Variants in KIAA1958 observed in about 807,000 individuals in gnomAD.
KIAA1958 encodes KIAA1958.
A neutral mutation model predicts 47.2 loss-of-function variants in KIAA1958; 14 were observed. The observed-to-expected ratio is 0.30, with a 90% CI of 0.20 to 0.46. The LOEUF (loss-of-function observed/expected upper bound fraction) is 0.46, where lower values mean the gene tolerates loss of function less well. Among genes scored for constraint, KIAA1958 ranks in the 20% least tolerant of loss-of-function variants. The probability of loss-of-function intolerance (pLI) is 1.00; values close to 1 mark genes in which losing one functional copy is unlikely to be tolerated. For synonymous variants in KIAA1958, 354 were observed against 353.3 expected, an observed-to-expected ratio of 1.00 and a Z score of -0.02; for missense variants, 803 against 909.2, an observed-to-expected ratio of 0.88 and a Z score of 1.50.
intron 3 of KIAA1958, 42 bp downstream of exon 3, chr9:112,645,864 G>T: frequency 6.3e-7 from 1 of 1,576,480 alleles, no homozygotes; most frequent in South Asian, 1.2e-5. Context: ...CAACTTCACT[G>T]AGCTTCCAAA....
At chr9:112,617,212 G>C (rs182967817) in intron 2 of KIAA1958, among the ~76,000 whole-genome samples, 1 of 152,258 alleles carries the variant, frequency 6.6e-6, no homozygotes, top group African/African-American at 2.4e-5. Context: ...TGTCTTTATA[G>C]CTATGATGTT....
At chr9:112,650,841 G>A (rs1422905124) in intron 3 of KIAA1958, among the ~76,000 whole-genome samples, 1 of 152,148 alleles carries the variant, frequency 6.6e-6, no homozygotes, top group Non-Finnish European at 1.5e-5. Context: ...TAAAGTGATG[G>A]GAGAAAGATA....
intron 2 of KIAA1958, among the ~76,000 whole-genome samples, chr9:112,592,650 A>G (rs1835944125): frequency 6.6e-6 from 1 of 152,246 alleles, no homozygotes; most frequent in Non-Finnish European, 1.5e-5. Flanking sequence ...GCAATGCAGG[A>G]TGGGAATTGT....
intron 2 of KIAA1958, among the ~76,000 whole-genome samples, chr9:112,593,239 G>T (rs1351582973): frequency 6.6e-6 from 1 of 152,200 alleles, no homozygotes; most frequent in Non-Finnish European, 1.5e-5. Flanking sequence ...TATTGTCAGG[G>T]TTCCAGCTCT....
intron 2 of KIAA1958, among the ~76,000 whole-genome samples, chr9:112,632,571 A>T (rs1304796782): frequency 6.6e-6 from 1 of 152,150 alleles, no homozygotes; most frequent in Non-Finnish European, 1.5e-5. Flanking sequence ...GGCAAATGAA[A>T]TATATCTCAT....
At chr9:112,510,384 C>T (rs1834304820) in intron 1 of KIAA1958, among the ~76,000 whole-genome samples, 1 of 152,148 alleles carries the variant, frequency 6.6e-6, no homozygotes, top group African/African-American at 2.4e-5. Flanking sequence ...CTCTGGGAGC[C>T]CAATTCTTCC....
At chr9:112,520,686 A>G (rs1011756855) in intron 1 of KIAA1958, among the ~76,000 whole-genome samples, 3 of 152,240 alleles carry the variant, frequency 2.0e-5, no homozygotes, top group Admixed American at 1.3e-4. Context: ...CATCAAGAAA[A>G]TACTGAATAC....
chr9:112,642,732 C>G (rs2131240564), intron 2 of KIAA1958, among the ~76,000 whole-genome samples: 1 of 152,276 alleles, frequency 6.6e-6, no homozygotes, highest in African/African-American at 2.4e-5. Flanking sequence ...TTGTTTGTTT[C>G]TTCACCAATA....
chr9:112,523,768 C>T (rs1188200401), intron 1 of KIAA1958, among the ~76,000 whole-genome samples: 2 of 152,142 alleles, frequency 1.3e-5, no homozygotes, highest in Non-Finnish European at 2.9e-5. Context: ...AGACAGGACT[C>T]AAGTATGAGT....
intron 2 of KIAA1958, among the ~76,000 whole-genome samples, chr9:112,612,028 CAA>C (rs1401580666): frequency 1.1e-5 from 1 of 93,756 alleles, no homozygotes; most frequent in East Asian, 2.5e-4. Context: ...ATATTATTGA[CAA>C]AGGGTTAAAT....
chr9:112,565,432 T>C (rs1276579683), intron 1 of KIAA1958, among the ~76,000 whole-genome samples: 1 of 152,192 alleles, frequency 6.6e-6, no homozygotes, highest in East Asian at 1.9e-4. Flanking sequence ...CAAGTGTCAC[T>C]TGATAACTCT....
intron 1 of KIAA1958, among the ~76,000 whole-genome samples, chr9:112,499,335 A>G (rs1475787031): frequency 6.6e-6 from 1 of 152,188 alleles, no homozygotes; most frequent in Non-Finnish European, 1.5e-5. Flanking sequence ...AGAATCTTCT[A>G]TATGGTTTTC....
chr9:112,522,250 C>T (rs1305676212), intron 1 of KIAA1958, among the ~76,000 whole-genome samples: 7 of 152,226 alleles, frequency 4.6e-5, no homozygotes, highest in Admixed American at 2.0e-4. Context: ...GGATTATAGG[C>T]GTGAGCCACC....
In KIAA1958 at chr9:112,666,770, T is replaced by C. The variant is rs896064761; in HGVS notation, c.*6701T>C. The C allele has an allele frequency of 6.6e-6, 1 of 152,226 alleles. No individual in the cohort carries two copies. The highest frequency in any genetic ancestry group is 1.5e-5 in the Non-Finnish European group (1 of 68,038). The allele number at this position is 152,226 out of a possible 1,614,324, so 9.4% of individuals were successfully genotyped here. A position where few individuals can be genotyped will look rare whatever the true frequency, so the allele number is the denominator to read the frequency against. On this transcript the variant is annotated 3_prime_UTR_variant, in exon 4 of 4. Coordinates refer to ENST00000337530, the MANE Select transcript of KIAA1958 (RefSeq NM_133465.4). Reference sequence around the variant, plus strand: ...TAGTACTTGTCCTCTTCCCCAATCATGCCTGTCACCTTACTCGGAGTCAGA... The same window carrying C: ...TAGTACTTGTCCTCTTCCCCAATCACGCCTGTCACCTTACTCGGAGTCAGA...
chr9:112,641,050 A>G (rs988119574), intron 2 of KIAA1958, among the ~76,000 whole-genome samples: 4 of 152,180 alleles, frequency 2.6e-5, no homozygotes, highest in East Asian at 1.9e-4. Flanking sequence ...TAACAATTGT[A>G]TTCAGCTTTA....
chr9:112,509,086 GT>G (rs781639077), intron 1 of KIAA1958, among the ~76,000 whole-genome samples: 791 of 54,940 alleles, frequency 0.014, 5 homozygotes, highest in Non-Finnish European at 0.023. Flanking sequence ...TACATTTAAT[GT>G]TTTTTTTTTT....
intron 2 of KIAA1958, among the ~76,000 whole-genome samples, chr9:112,644,693 G>T (rs1437466153): frequency 6.6e-6 from 1 of 152,152 alleles, no homozygotes; most frequent in Non-Finnish European, 1.5e-5. Context: ...CTGAGGAGAT[G>T]TGAGCCCCTC....
intron 3 of KIAA1958, among the ~76,000 whole-genome samples, chr9:112,648,025 G>A (rs991031036): frequency 6.6e-6 from 1 of 152,188 alleles, no homozygotes; most frequent in Non-Finnish European, 1.5e-5. Context: ...CTAGACATGG[G>A]AACATGTGAC....
chr9:112,548,862 G>T (rs1835089961), intron 1 of KIAA1958, among the ~76,000 whole-genome samples: 1 of 152,146 alleles, frequency 6.6e-6, no homozygotes, highest in African/African-American at 2.4e-5. Context: ...AATATGACCG[G>T]TGTCCTTATA....
Sources: gnomAD v4.1 joint callset for allele counts (sites outside exome capture counted in the v4.1 genomes callset) on GRCh38, gnomAD v4.1.1 for gene constraint, MANE v1.5 for transcripts, NCBI Gene and HGNC (gene_info 2026-07-23, HGNC 2026-07-21) for gene names.